The following PAPPA2 variants were observed in gnomAD, a reference collection of about 807,000 sequenced individuals.
PAPPA2 encodes pappalysin 2, also known as pappalysin-2.
PAPPA2 carries 86 observed loss-of-function variants against 176.4 expected under a neutral mutation model. That is an observed-to-expected ratio of 0.49 (90% CI 0.41 to 0.58). The LOEUF (loss-of-function observed/expected upper bound fraction) is 0.58, where lower values mean the gene tolerates loss of function less well. PAPPA2 is among the 20% of genes least tolerant of loss of function. PAPPA2 has a pLI of 0.00. For synonymous variants in PAPPA2, 809 were observed against 852.2 expected (o/e 0.95, Z 0.88); for missense variants, 2,073 against 2,256.9 (o/e 0.92, Z 1.65).
chr1:176,776,837 A>G (rs1015082932), intron 17 of PAPPA2, among the ~76,000 whole-genome samples: 18 of 150,228 alleles, frequency 1.2e-4, no homozygotes, highest in Non-Finnish European at 2.5e-4. Flanking sequence ...GTATAGTAAA[A>G]TATATTATTA....
intron 3 of PAPPA2, among the ~76,000 whole-genome samples, chr1:176,633,831 C>T (rs1351814045): frequency 1.3e-5 from 2 of 152,152 alleles, no homozygotes; most frequent in Admixed American, 1.3e-4. Context: ...AGCCAACAGA[C>T]ACATGAAAAA....
chr1:176,830,443 C>G (rs1285034994), intron 21 of PAPPA2, among the ~76,000 whole-genome samples: 1 of 152,138 alleles, frequency 6.6e-6, no homozygotes, highest in Admixed American at 6.5e-5. Flanking sequence ...GAAAAGGGAA[C>G]AGAAAAGAGA....
intron 21 of PAPPA2, among the ~76,000 whole-genome samples, chr1:176,820,381 C>T (rs1350219126): frequency 1.3e-5 from 2 of 152,148 alleles, no homozygotes; most frequent in African/African-American, 4.8e-5. Flanking sequence ...TTCATTCTAG[C>T]CTGCAACATA....
rs552845314 is a variant in PAPPA2, at chr1:176,520,392, A to C, written c.-916-35015A>C. On this transcript the variant is annotated intron_variant, in intron 1 of 22. Transcript: ENST00000367662. ...AACCTGACTTACTGGAAGTCTTTCT[A>C]ATGTCATCCAGGTTCTGACAGTTAA... is the stretch of plus-strand genomic sequence containing the variant. 2.0e-5 allele frequency among the ~76,000 whole-genome samples: 3 copies of C among 152,300 alleles called. No individual in the cohort carries two copies. The South Asian group carries it at 6.2e-4, about 32-fold the overall frequency.
intron 4 of PAPPA2, among the ~76,000 whole-genome samples, chr1:176,679,222 A>G (rs1558514280): frequency 6.6e-6 from 1 of 152,150 alleles, no homozygotes; most frequent in South Asian, 2.1e-4. Context: ...CCAACATTCA[A>G]GACGTTCTCT....
chr1:176,727,340 C>T (rs1661929165), intron 12 of PAPPA2, among the ~76,000 whole-genome samples: 1 of 151,956 alleles, frequency 6.6e-6, no homozygotes, highest in Non-Finnish European at 1.5e-5. Context: ...AATAAAAAGA[C>T]ATGTACATCA....
intron 1 of PAPPA2, among the ~76,000 whole-genome samples, chr1:176,484,942 G>A (rs2102484987): frequency 6.6e-6 from 1 of 152,248 alleles, no homozygotes; most frequent in African/African-American, 2.4e-5. Flanking sequence ...TTTCTGCTCT[G>A]GCAAGTTATG....
At chr1:176,613,918 C>T (rs932780891) in intron 3 of PAPPA2, among the ~76,000 whole-genome samples, 4 of 152,136 alleles carry the variant, frequency 2.6e-5, no homozygotes, top group Non-Finnish European at 5.9e-5. Context: ...GGTGACCAAA[C>T]AGCATCTCTT....
At chr1:176,581,904 T>G (rs1652992784) in intron 2 of PAPPA2, among the ~76,000 whole-genome samples, 1 of 134,784 alleles carries the variant, frequency 7.4e-6, no homozygotes. Flanking sequence ...TTTTCTTTTT[T>G]TCTTTCTTTC....
At chr1:176,622,108 T>A (rs145501017) in intron 3 of PAPPA2, among the ~76,000 whole-genome samples, 251 of 152,272 alleles carry the variant, frequency 1.6e-3, no homozygotes, top group African/African-American at 5.6e-3. Context: ...AAATATCAGC[T>A]ATCTGTAGTT....
intron 21 of PAPPA2, among the ~76,000 whole-genome samples, chr1:176,805,991 C>CT (rs1665887465): frequency 3.9e-5 from 3 of 76,636 alleles, no homozygotes; most frequent in Admixed American, 1.7e-4. Context: ...CTGTCTCTCT[C>CT]AAAAAAAAAA....
At chr1:176,571,020 G>A (rs1652296135) in intron 2 of PAPPA2, among the ~76,000 whole-genome samples, 1 of 152,072 alleles carries the variant, frequency 6.6e-6, no homozygotes, top group South Asian at 2.1e-4. Context: ...TAGGCTTCTG[G>A]GGGCTTCTGT....
At chr1:176,808,664 A>G (rs1666013729) in intron 21 of PAPPA2, among the ~76,000 whole-genome samples, 1 of 152,172 alleles carries the variant, frequency 6.6e-6, no homozygotes, top group African/African-American at 2.4e-5. Context: ...ATTATCAGAA[A>G]ACCTGAGTAT....
At chr1:176,767,873 G>A (rs1664050018) in intron 15 of PAPPA2, among the ~76,000 whole-genome samples, 1 of 152,174 alleles carries the variant, frequency 6.6e-6, no homozygotes, top group African/African-American at 2.4e-5. Context: ...CAAGACAGTG[G>A]GGATATTTGC....
intron 6 of PAPPA2, among the ~76,000 whole-genome samples, chr1:176,694,789 G>C (rs1660288946): frequency 6.6e-6 from 1 of 152,202 alleles, no homozygotes; most frequent in African/African-American, 2.4e-5. Context: ...TTCACAGAGG[G>C]ACTGCTGGGT....
chr1:176,719,950 G>T (rs961424694), intron 12 of PAPPA2, among the ~76,000 whole-genome samples: 2 of 152,204 alleles, frequency 1.3e-5, no homozygotes, highest in Non-Finnish European at 2.9e-5. Context: ...TGAACGAAAT[G>T]ATGTGATTGG....
intron 1 of PAPPA2, among the ~76,000 whole-genome samples, chr1:176,488,201 T>G (rs1450697859): frequency 1.3e-5 from 2 of 152,172 alleles, no homozygotes; most frequent in African/African-American, 4.8e-5. Context: ...TTATTTTTTT[T>G]AAATAAGAGA....
chr1:176,623,559 C>CTTCT (rs1451361023), intron 3 of PAPPA2, among the ~76,000 whole-genome samples: 4 of 77,828 alleles, frequency 5.1e-5, no homozygotes, highest in African/African-American at 2.6e-4. Context: ...GCATTTTCCC[C>CTTCT]TTCCTTCCTT....
At chr1:176,508,342 A>G (rs1240144469) in intron 1 of PAPPA2, among the ~76,000 whole-genome samples, 2 of 152,210 alleles carry the variant, frequency 1.3e-5, no homozygotes, top group East Asian at 3.8e-4. Flanking sequence ...ATTAGCAAAC[A>G]ACAATTTAAA....
Sources: gnomAD v4.1 joint callset for allele counts (sites outside exome capture counted in the v4.1 genomes callset) on GRCh38, gnomAD v4.1.1 for gene constraint, MANE v1.5 for transcripts, NCBI Gene and HGNC (gene_info 2026-07-23, HGNC 2026-07-21) for gene names.